ANO3: variants seen among roughly 807,000 people sequenced by gnomAD.
ANO3 encodes the protein anoctamin 3.
Under a neutral mutation model 144.8 loss-of-function variants are expected in ANO3, and 99 were observed. The ratio of observed to expected loss-of-function variants is 0.68; its 90% CI spans 0.58 to 0.81. The LOEUF (loss-of-function observed/expected upper bound fraction) is 0.81, where lower values mean the gene tolerates loss of function less well. Ranked by LOEUF, ANO3 falls within the 30% of genes least tolerant of loss-of-function variation. The pLI is 0.00. For missense variants in ANO3, 905 were observed against 1,202.2 expected, an observed-to-expected ratio of 0.75 and a Z score of 3.66; for synonymous variants, 414 against 392.6, an observed-to-expected ratio of 1.05 and a Z score of -0.64.
chr11:26,210,591 G>T (rs1195916417), intron 1 of ANO3, among the ~76,000 whole-genome samples: 1 of 152,102 alleles, frequency 6.6e-6, no homozygotes, highest in Non-Finnish European at 1.5e-5. Context: ...CCATTTTCAT[G>T]ACATTGGTTC....
intron 17 of ANO3, among the ~76,000 whole-genome samples, chr11:26,600,571 ACTTCCTCTCCCTCCCTTC>A (rs1851776161): frequency 1.4e-5 from 1 of 70,566 alleles, no homozygotes; most frequent in Non-Finnish European, 2.7e-5. Flanking sequence ...TCCCTCTCTC[ACTTCCTCTCCCTCCCTTC>A]CTTCCTCTCC....
At chr11:26,599,986 T>C (rs908376915) in intron 17 of ANO3, among the ~76,000 whole-genome samples, 4 of 152,230 alleles carry the variant, frequency 2.6e-5, no homozygotes, top group Non-Finnish European at 5.9e-5. Context: ...AGTTAGTATC[T>C]CGTGTGTGCT....
chr11:26,246,146 C>T (rs961093842), intron 1 of ANO3, among the ~76,000 whole-genome samples: 4 of 152,018 alleles, frequency 2.6e-5, no homozygotes, highest in African/African-American at 9.7e-5. Context: ...TTCAGCATGT[C>T]AAAGCACCGT....
At chr11:26,479,642 C>T (rs1028409836) in intron 4 of ANO3, among the ~76,000 whole-genome samples, 2 of 152,214 alleles carry the variant, frequency 1.3e-5, no homozygotes, top group African/African-American at 2.4e-5. Context: ...TGGCCCTGCC[C>T]TTGACACCTG....
chr11:26,209,767 G>C (rs1270962454), intron 1 of ANO3, among the ~76,000 whole-genome samples: 2 of 152,166 alleles, frequency 1.3e-5, no homozygotes, highest in East Asian at 1.9e-4. Context: ...TTTCGTGTTT[G>C]TTGGCCACAT....
chr11:26,594,867 T>C (rs1239036453), intron 14 of ANO3, among the ~76,000 whole-genome samples: 1 of 152,134 alleles, frequency 6.6e-6, no homozygotes, highest in African/African-American at 2.4e-5. Flanking sequence ...TGTAAGATGA[T>C]GTTATAATAT....
intron 17 of ANO3, among the ~76,000 whole-genome samples, chr11:26,616,508 T>C (rs1852267243): frequency 6.6e-6 from 1 of 151,176 alleles, no homozygotes; most frequent in South Asian, 2.1e-4. Context: ...AAAAGATTAA[T>C]GAACTAGCTT....
chr11:26,408,822 G>A (rs1260325490), intron 1 of ANO3, among the ~76,000 whole-genome samples: 1 of 151,754 alleles, frequency 6.6e-6, no homozygotes, highest in Admixed American at 6.6e-5. Flanking sequence ...CATGTCCTTT[G>A]TAGGGACATG....
chr11:26,357,584 G>T (rs1339651797), intron 1 of ANO3, among the ~76,000 whole-genome samples: 2 of 150,648 alleles, frequency 1.3e-5, no homozygotes, highest in Admixed American at 6.6e-5. Context: ...TTATATTATT[G>T]CTACAAGTTG....
At chr11:26,365,040 A>G (rs967564897) in intron 1 of ANO3, among the ~76,000 whole-genome samples, 5 of 152,338 alleles carry the variant, frequency 3.3e-5, no homozygotes, top group Admixed American at 3.3e-4. Context: ...CCAAGATACA[A>G]TGGGGGTATT....
chr11:26,568,755 C>T (rs1353140), intron 14 of ANO3, among the ~76,000 whole-genome samples: 5,078 of 152,094 alleles, frequency 0.033, 127 homozygotes, highest in Non-Finnish European at 0.054. Flanking sequence ...ATTGATGCCT[C>T]ACCTAGTGTG....
chr11:26,573,257 T>C (rs1376617598), intron 14 of ANO3, among the ~76,000 whole-genome samples: 1 of 152,180 alleles, frequency 6.6e-6, no homozygotes, highest in African/African-American at 2.4e-5. Flanking sequence ...AAGGTAATTC[T>C]ATAGTTTTAA....
chr11:26,541,273 C>T (rs1392726806), intron 10 of ANO3, among the ~76,000 whole-genome samples: 1 of 151,810 alleles, frequency 6.6e-6, no homozygotes, highest in Non-Finnish European at 1.5e-5. Context: ...GGGAGGGGAA[C>T]ATCACACAAT....
Position 26,436,145 on chromosome 11 carries a change from G to C in ANO3, c.47-5773G>C, listed in dbSNP as rs78906535. The stretch of plus-strand genomic sequence containing the variant: ...AAGCGAGGACTGGGATCTGCGTTGA[G>C]AACAGTCTGACCACTTTTCCAGTAG... On this transcript the variant is annotated intron_variant, in intron 1 of 26. Transcript: ENST00000256737. 6.3e-3 allele frequency among the ~76,000 whole-genome samples: 966 copies of C among 152,314 alleles called. 20 individuals carry two copies. Among genetic ancestry groups the C allele is most frequent in the African/African-American group, 0.023 (944 of 41,562 alleles).
chr11:26,210,214 T>G (rs1235266438), intron 1 of ANO3, among the ~76,000 whole-genome samples: 1 of 152,178 alleles, frequency 6.6e-6, no homozygotes, highest in Non-Finnish European at 1.5e-5. Context: ...GGCTAGCCAG[T>G]TTTCCCAACA....
upstream of ANO3, among the ~76,000 whole-genome samples, chr11:26,329,848 T>C (rs1279642032): frequency 1.3e-5 from 2 of 151,110 alleles, no homozygotes; most frequent in African/African-American, 2.4e-5. Flanking sequence ...AGTCTCGCTC[T>C]GTTTCCCAGG....
chr11:26,659,895 A>G (rs1853824548), intron 26 of ANO3, among the ~76,000 whole-genome samples: 1 of 152,126 alleles, frequency 6.6e-6, no homozygotes, highest in East Asian at 1.9e-4. Flanking sequence ...GTTATGATCT[A>G]TTGGACATGG....
chr11:26,328,908 G>C (rs1321858105), upstream of ANO3, among the ~76,000 whole-genome samples: 1 of 152,038 alleles, frequency 6.6e-6, no homozygotes, highest in Non-Finnish European at 1.5e-5. Flanking sequence ...TTGCAAGCAT[G>C]ATTACTCCAG....
At chr11:26,259,411 A>T (rs551277212) in intron 1 of ANO3, among the ~76,000 whole-genome samples, 75 of 152,124 alleles carry the variant, frequency 4.9e-4, no homozygotes, top group Non-Finnish European at 8.8e-4. Flanking sequence ...CCTCTTTGGG[A>T]GGCCGAGGCA....
Sources: allele counts gnomAD v4.1 joint callset (sites outside exome capture counted in the v4.1 genomes callset), GRCh38; gene constraint gnomAD v4.1.1; transcripts MANE v1.5; gene names NCBI Gene and HGNC (gene_info 2026-07-23, HGNC 2026-07-21).